Variants in TPST1 observed in about 807,000 individuals in gnomAD.
TPST1 encodes the protein tyrosylprotein sulfotransferase 1, also known as protein-tyrosine sulfotransferase 1.
TPST1 carries 20 observed loss-of-function variants against 34.8 expected under a neutral mutation model. That is an observed-to-expected ratio of 0.57 (90% CI 0.40 to 0.84). The LOEUF (loss-of-function observed/expected upper bound fraction) is 0.84. Ranked by LOEUF, TPST1 falls within the 40% of genes least tolerant of loss-of-function variation. The probability of loss-of-function intolerance (pLI) is 0.00; values close to 1 mark genes in which losing one functional copy is unlikely to be tolerated. For synonymous variants in TPST1, 152 were observed against 159.4 expected, an observed-to-expected ratio of 0.95 and a Z score of 0.35; for missense variants, 353 against 455.5, an observed-to-expected ratio of 0.78 and a Z score of 2.05.
chr7:66,215,620 C>G (rs933058269), intron 1 of TPST1, among the ~76,000 whole-genome samples: 3 of 151,582 alleles, frequency 2.0e-5, no homozygotes, highest in Non-Finnish European at 2.9e-5. Flanking sequence ...GTGATCCGCC[C>G]GCGTCGGCCT....
intron 2 of TPST1, among the ~76,000 whole-genome samples, chr7:66,244,518 C>T (rs1376720524): frequency 6.6e-6 from 1 of 152,090 alleles, no homozygotes; most frequent in African/African-American, 2.4e-5. Context: ...CTGGGCTGTT[C>T]CAGTTACAGA....
intron 3 of TPST1, among the ~76,000 whole-genome samples, chr7:66,333,053 AG>A (rs1037477471): frequency 2.0e-5 from 3 of 152,294 alleles, no homozygotes; most frequent in South Asian, 2.1e-4. Flanking sequence ...GCCAATGCTC[AG>A]AATCTCTTAG....
At chr7:66,308,565 T>C (rs757241239) in intron 3 of TPST1, among the ~76,000 whole-genome samples, 1 of 152,178 alleles carries the variant, frequency 6.6e-6, no homozygotes, top group Non-Finnish European at 1.5e-5. Context: ...CTACTCTACC[T>C]CTGCGTGTGC....
At chr7:66,200,708 C>A (rs372483211), upstream of TPST1, among the ~76,000 whole-genome samples, 5 of 152,130 alleles carry the variant, frequency 3.3e-5, no homozygotes, top group East Asian at 5.8e-4. Context: ...GCGTGAGCCA[C>A]CGCGCCCGAC....
chr7:66,203,637 C>T (rs1402330355), upstream of TPST1, among the ~76,000 whole-genome samples: 1 of 151,978 alleles, frequency 6.6e-6, no homozygotes, highest in East Asian at 2.0e-4. Flanking sequence ...AGGCGCCAGC[C>T]ACCATGCCTG....
intron 2 of TPST1, among the ~76,000 whole-genome samples, chr7:66,246,308 G>A (rs1314135858): frequency 6.7e-6 from 1 of 148,818 alleles, no homozygotes; most frequent in East Asian, 2.0e-4. Flanking sequence ...TGGGATTACC[G>A]CTGTGAGCTG....
At chr7:66,307,149 T>A (rs74687973) in intron 3 of TPST1, among the ~76,000 whole-genome samples, 1 of 151,768 alleles carries the variant, frequency 6.6e-6, no homozygotes, top group East Asian at 2.0e-4. Flanking sequence ...TTTTTTTTTT[T>A]AGATGGAGTC....
At chr7:66,328,917 T>A (rs1791939709) in intron 3 of TPST1, among the ~76,000 whole-genome samples, 1 of 103,202 alleles carries the variant, frequency 9.7e-6, no homozygotes, top group Non-Finnish European at 1.9e-5. Flanking sequence ...TTTTTTTTTT[T>A]TTTTTTTTTT....
chr7:66,249,361 G>T (rs570401925), intron 2 of TPST1, among the ~76,000 whole-genome samples: 1 of 152,226 alleles, frequency 6.6e-6, no homozygotes, highest in African/African-American at 2.4e-5. Context: ...GGGAATTATG[G>T]TTGGTACCCA....
In TPST1 at chr7:66,212,267, C is replaced by T. The variant is rs530937017; in HGVS notation, c.-102+6745C>T. The stretch of plus-strand genomic sequence containing the variant: ...TTTGATAAAAGATCTTGAACAGTGG[C>T]ATAACAATTTCTTTTTAACTAAGAA... On this transcript the variant is annotated intron_variant, in intron 1 of 5. Transcript: ENST00000304842. 1.6e-4 allele frequency among the ~76,000 whole-genome samples: 25 copies of T among 152,160 alleles called. No individual in the cohort carries two copies. The South Asian group carries it at 5.2e-3, about 32-fold the overall frequency.
At chr7:66,261,585 A>G (rs1235319778) in intron 2 of TPST1, among the ~76,000 whole-genome samples, 1 of 152,044 alleles carries the variant, frequency 6.6e-6, no homozygotes, top group Non-Finnish European at 1.5e-5. Flanking sequence ...AATACTACCT[A>G]GATTCTTTAG....
At chr7:66,228,461 C>T (rs567737612) in intron 1 of TPST1, among the ~76,000 whole-genome samples, 15 of 152,228 alleles carry the variant, frequency 9.9e-5, no homozygotes, top group African/African-American at 3.6e-4. Context: ...AAAAGCTTTG[C>T]CATTTCAGAG....
intron 3 of TPST1, among the ~76,000 whole-genome samples, chr7:66,338,952 G>C (rs185722127): frequency 6.6e-6 from 1 of 151,820 alleles, no homozygotes; most frequent in Non-Finnish European, 1.5e-5. Context: ...GTGAAAAAAG[G>C]CATCTAAAAA....
intron 3 of TPST1, among the ~76,000 whole-genome samples, chr7:66,313,944 G>A (rs1480204131): frequency 6.6e-6 from 1 of 152,058 alleles, no homozygotes; most frequent in East Asian, 1.9e-4. Context: ...ATCTGTAACA[G>A]TTTCTCAGAT....
chr7:66,346,112 A>C (rs960541666), intron 3 of TPST1, among the ~76,000 whole-genome samples: 3 of 152,170 alleles, frequency 2.0e-5, no homozygotes, highest in Admixed American at 6.6e-5. Context: ...TATTTTACTT[A>C]ACATAATGAC....
chr7:66,230,571 G>A (rs1789760831), intron 1 of TPST1, among the ~76,000 whole-genome samples: 1 of 152,058 alleles, frequency 6.6e-6, no homozygotes, highest in Admixed American at 6.5e-5. Flanking sequence ...GGAGCTGTTC[G>A]TTCCTCCCGG....
chr7:66,273,225 T>A (rs1790739320), intron 2 of TPST1, among the ~76,000 whole-genome samples: 3 of 152,138 alleles, frequency 2.0e-5, no homozygotes, highest in South Asian at 4.1e-4. Context: ...TAAAATTTAA[T>A]CAAGGAGGTG....
chr7:66,245,305 C>T (rs1355202326), intron 2 of TPST1, among the ~76,000 whole-genome samples: 1 of 152,120 alleles, frequency 6.6e-6, no homozygotes, highest in African/African-American at 2.4e-5. Context: ...ACAGCATGGG[C>T]AAGTGAGAAT....
chr7:66,337,638 CG>C (rs1792148245), intron 3 of TPST1, among the ~76,000 whole-genome samples: 2 of 151,978 alleles, frequency 1.3e-5, no homozygotes, highest in East Asian at 3.9e-4. Context: ...GTAACTACAA[CG>C]GTTATTTAGG....
Sources: allele counts gnomAD v4.1 joint callset (sites outside exome capture counted in the v4.1 genomes callset), GRCh38; gene constraint gnomAD v4.1.1; transcripts MANE v1.5; gene names NCBI Gene and HGNC (gene_info 2026-07-23, HGNC 2026-07-21).